GNA12: variants seen among roughly 807,000 people sequenced by gnomAD.
GNA12 encodes the protein guanine nucleotide-binding protein subunit alpha-12.
Under a neutral mutation model 26.0 loss-of-function variants are expected in GNA12, and 9 were observed. The ratio of observed to expected loss-of-function variants is 0.35; its 90% confidence interval spans 0.21 to 0.60. The LOEUF (loss-of-function observed/expected upper bound fraction) is 0.60, where lower values mean the gene tolerates loss of function less well. Ranked by LOEUF, GNA12 falls within the 20% of genes least tolerant of loss-of-function variation. GNA12 has a pLI of 0.78. For synonymous variants in GNA12, 264 were observed against 219.6 expected, an observed-to-expected ratio of 1.20 and a Z score of -1.79; for missense variants, 405 against 525.8, an observed-to-expected ratio of 0.77 and a Z score of 2.25.
At chr7:2,752,943 C>A (rs1791108516) in intron 2 of GNA12, among the ~76,000 whole-genome samples, 1 of 152,186 alleles carries the variant, frequency 6.6e-6, no homozygotes, top group African/African-American at 2.4e-5. Flanking sequence ...ACCACCACTG[C>A]AATCAAGAGA....
At chr7:2,839,926 G>A (rs1778941516) in intron 1 of GNA12, among the ~76,000 whole-genome samples, 1 of 152,102 alleles carries the variant, frequency 6.6e-6, no homozygotes, top group African/African-American at 2.4e-5. Flanking sequence ...TTGAACCCCG[G>A]GGCGGAGGTT....
At chr7:2,765,304 C>T (rs1212177625) in intron 2 of GNA12, among the ~76,000 whole-genome samples, 3 of 152,056 alleles carry the variant, frequency 2.0e-5, no homozygotes, top group Non-Finnish European at 2.9e-5. Flanking sequence ...CCCGCCACTG[C>T]GCCCGCCTAA....
chr7:2,757,976 T>C (rs1036408019), intron 2 of GNA12, among the ~76,000 whole-genome samples: 2 of 152,196 alleles, frequency 1.3e-5, no homozygotes, highest in African/African-American at 4.8e-5. Flanking sequence ...CCTGCAAATG[T>C]AGCTGCCTGG....
intron 1 of GNA12, among the ~76,000 whole-genome samples, chr7:2,820,137 T>G (rs1256315462): frequency 6.6e-6 from 1 of 152,184 alleles, no homozygotes; most frequent in Admixed American, 6.5e-5. Flanking sequence ...TATGATTCCA[T>G]TTACATAAAA....
At chr7:2,836,277 G>A (rs183896072) in intron 1 of GNA12, among the ~76,000 whole-genome samples, 3 of 152,188 alleles carry the variant, frequency 2.0e-5, no homozygotes, top group Non-Finnish European at 2.9e-5. Flanking sequence ...AAAAGACCAG[G>A]ATGATGGAGA....
chr7:2,799,254 G>C (rs930289590), intron 1 of GNA12, among the ~76,000 whole-genome samples: 1 of 152,134 alleles, frequency 6.6e-6, no homozygotes, highest in African/African-American at 2.4e-5. Flanking sequence ...ATCTGACAAA[G>C]GACTCATTTA....
At chr7:2,757,333 G>A (rs949889339) in intron 2 of GNA12, among the ~76,000 whole-genome samples, 2 of 151,704 alleles carry the variant, frequency 1.3e-5, no homozygotes, top group African/African-American at 4.8e-5. Context: ...ACAGGGTTTC[G>A]CCATGTCAGG....
chr7:2,741,031 C>A (rs556177604), intron 2 of GNA12, among the ~76,000 whole-genome samples: 1 of 150,690 alleles, frequency 6.6e-6, no homozygotes, highest in Non-Finnish European at 1.5e-5. Context: ...GGCGACAGAG[C>A]GAGACTCCGT....
intron 2 of GNA12, among the ~76,000 whole-genome samples, chr7:2,759,307 G>C (rs1247754491): frequency 6.6e-6 from 1 of 152,124 alleles, no homozygotes; most frequent in East Asian, 1.9e-4. Flanking sequence ...AGGAAACAAA[G>C]CGCTAGCTGT....
At chr7:2,777,269 A>G (rs1023395413) in intron 2 of GNA12, among the ~76,000 whole-genome samples, 1 of 152,238 alleles carries the variant, frequency 6.6e-6, no homozygotes, top group African/African-American at 2.4e-5. Flanking sequence ...GAATGAATAA[A>G]TGGGCCATAT....
chr7:2,741,948 A>G (rs1790528085), intron 2 of GNA12, among the ~76,000 whole-genome samples: 1 of 151,918 alleles, frequency 6.6e-6, no homozygotes, highest in African/African-American at 2.4e-5. Flanking sequence ...CCTCTAGCAC[A>G]GAATTTAGTA....
chr7:2,762,351 C>G (rs961725752), intron 2 of GNA12: 2 of 380,740 alleles, frequency 5.3e-6, no homozygotes, highest in Middle Eastern at 6.3e-4. Flanking sequence ...CACACACGAT[C>G]CCACCGAATC....
In GNA12 at chr7:2,779,592, T is replaced by G. The variant is rs564360422; in HGVS notation, c.525+15336A>C. 3.3e-5 allele frequency among the ~76,000 whole-genome samples: 5 copies of G among 152,226 alleles called. No individual in the cohort carries two copies. The East Asian group carries it at 9.6e-4, about 29-fold the overall frequency. On this transcript the variant is annotated intron_variant, in intron 2 of 3. Coordinates refer to ENST00000275364, the MANE Select transcript of GNA12 (RefSeq NM_007353.3). ...CTTTTCTGATTATAAAAACACTTCA[T>G]TTTTAAAAACTTTTTAACTTTTTTA...
At chr7:2,733,670 C>T (rs1460505564) in intron 2 of GNA12, among the ~76,000 whole-genome samples, 169 bp from the exon 3 acceptor site, 1 of 152,204 alleles carries the variant, frequency 6.6e-6, no homozygotes, top group East Asian at 1.9e-4. Flanking sequence ...AAAAAAACTA[C>T]CATTAAAGAA....
chr7:2,778,067 G>C (rs910455643), intron 2 of GNA12, among the ~76,000 whole-genome samples: 1 of 151,938 alleles, frequency 6.6e-6, no homozygotes, highest in Non-Finnish European at 1.5e-5. Context: ...TCAAACACGA[G>C]CTACACTATG....
At chr7:2,784,845 A>G (rs1345766375) in intron 2 of GNA12, among the ~76,000 whole-genome samples, 1 of 152,220 alleles carries the variant, frequency 6.6e-6, no homozygotes, top group Non-Finnish European at 1.5e-5. Context: ...GACTTTTGCC[A>G]TACAAATGTT....
chr7:2,837,395 G>C (rs932927966), intron 1 of GNA12, among the ~76,000 whole-genome samples: 1 of 152,236 alleles, frequency 6.6e-6, no homozygotes, highest in Non-Finnish European at 1.5e-5. Context: ...CCCAGAAGGA[G>C]ATGAGAGAGA....
At chr7:2,791,009 A>G (rs1478416461) in intron 2 of GNA12, among the ~76,000 whole-genome samples, 1 of 152,082 alleles carries the variant, frequency 6.6e-6, no homozygotes, top group Non-Finnish European at 1.5e-5. Context: ...AATAAATGGT[A>G]TACTCAAAAG....
chr7:2,817,760 AG>A (rs1187597295), intron 1 of GNA12, among the ~76,000 whole-genome samples: 1 of 152,248 alleles, frequency 6.6e-6, no homozygotes, highest in African/African-American at 2.4e-5. Context: ...TTCCAGTATT[AG>A]GACTGGGGAG....
Sources: allele counts gnomAD v4.1 joint callset (sites outside exome capture counted in the v4.1 genomes callset), GRCh38; gene constraint gnomAD v4.1.1; transcripts MANE v1.5; gene names NCBI Gene and HGNC (gene_info 2026-07-23, HGNC 2026-07-21).